Variants in SYNE1 observed in about 807,000 individuals in gnomAD.
SYNE1 encodes nesprin-1.
SYNE1 carries 616 observed loss-of-function variants against 1,111.0 expected under a neutral mutation model. That is an observed-to-expected ratio of 0.55 (90% CI 0.52 to 0.59). The LOEUF (loss-of-function observed/expected upper bound fraction) is 0.59. Ranked by LOEUF, SYNE1 falls within the 20% of genes least tolerant of loss-of-function variation. The pLI is 0.00. For synonymous variants in SYNE1, 3,855 were observed against 3,825.8 expected (o/e 1.01, Z -0.28); for missense variants, 10,006 against 10,417.0 (o/e 0.96, Z 1.72).
rs1217952987 is a variant in SYNE1, at chr6:152,225,906, A to G, written c.21196-30T>C. 3 of 1,605,842 alleles carry G rather than the reference A, an allele frequency of 1.9e-6. No homozygotes were observed. In the Admixed American group the frequency reaches 5.0e-5, roughly 27 times the overall value. ...AAGATTTAAAAAATAGTCACTTTAA[A>G]TTGTTCTATTATGGAACTCTGGGGT... On this transcript the variant is annotated intron_variant, in intron 115 of 145. Coordinates refer to ENST00000367255, the MANE Select transcript of SYNE1 (RefSeq NM_182961.4).
In SYNE1 at chr6:152,376,429, AT is replaced by A; in HGVS notation, c.9275del (p.Asp3092ValfsTer6). ...AAACTTCACTTATATTTTGAGGTAT[AT>A]CAAAACACTTGGCGGTAGTGATTTT... The part of the protein sequence containing the change: ...NAKITTAKCF[D>X]IPQNISEVST... On this transcript the variant is annotated frameshift_variant, in exon 58 of 146. Transcript: ENST00000367255. LOFTEE classifies it high-confidence loss of function. 1.2e-6 allele frequency: 2 copies of A among 1,614,218 alleles called. No individual in the cohort carries two copies. Among genetic ancestry groups the A allele is most frequent in the South Asian group, 2.2e-5 (2 of 91,080 alleles).
At chr6:152,613,914 G>A (rs1339695792) in intron 3 of SYNE1, among the ~76,000 whole-genome samples, 1 of 152,140 alleles carries the variant, frequency 6.6e-6, no homozygotes, top group Non-Finnish European at 1.5e-5. Flanking sequence ...AAATGGTGCT[G>A]GGAAAACTGG....
rs145772598 is a variant in SYNE1, at chr6:152,142,036, G to T, written c.25120-707C>A. On this transcript the variant is annotated intron_variant, in intron 138 of 145. Transcript: ENST00000367255. ...TGCAGCGAGCTAAGACCATGACACC[G>T]CACTCAAGCCTGGGTGACAGAGTGT... Among the ~76,000 whole-genome samples, 33 of 151,950 alleles carry T rather than the reference G, an allele frequency of 2.2e-4. No individual in the cohort carries two copies. In the East Asian group the frequency reaches 5.8e-3, roughly 27 times the overall value.
rs2096248429 is a variant in SYNE1, at chr6:152,331,562, G to A, written c.13123C>T (p.Pro4375Ser). The change falls in exon 78 of 146, where the codon CCT becomes TCT. Residue 4375 changes from proline to serine, a missense_variant. This residue lies in a region of SYNE1 where 4,955 missense variants were observed against 5,017.2 expected (regional missense o/e 0.99). Transcript: ENST00000367255. ...PNIAEALKQS[P>S]PPDMAQNLLM... ...AGGTTCTGAGCCATATCTGGAGGAG[G>A]GCTCTGCTTAAGGGCCTCGGCGATG... is the stretch of plus-strand genomic sequence containing the variant. 6.2e-7 allele frequency: 1 copy of A among 1,614,006 alleles called. No homozygotes were observed.
intron 5 of SYNE1, among the ~76,000 whole-genome samples, chr6:152,524,789 C>T (rs893560675): frequency 5.3e-5 from 8 of 152,074 alleles, no homozygotes; most frequent in African/African-American, 1.7e-4. Context: ...AACTCAGTCC[C>T]ACTGATGACT....
chr6:152,171,269 G>A (rs182064561), intron 130 of SYNE1, among the ~76,000 whole-genome samples: 193 of 152,294 alleles, frequency 1.3e-3, no homozygotes, highest in Non-Finnish European at 2.2e-3. Flanking sequence ...GCAGAATCAC[G>A]CTATGACTCA....
intron 69 of SYNE1, 52 bp downstream of exon 69, chr6:152,353,211 G>C: frequency 6.2e-7 from 1 of 1,604,192 alleles, no homozygotes; most frequent in Non-Finnish European, 8.5e-7. Context: ...GGAGAATGGG[G>C]CAGCTTGGTG....
chr6:152,526,021 G>A, intron 5 of SYNE1, 59 bp downstream of exon 5: 1 of 1,512,582 alleles, frequency 6.6e-7, no homozygotes, highest in Non-Finnish European at 9.2e-7. Flanking sequence ...CAACTCCATA[G>A]TCCCCAAATT....
intron 8 of SYNE1, among the ~76,000 whole-genome samples, chr6:152,508,272 G>T (rs1051481751): frequency 6.6e-6 from 1 of 152,164 alleles, no homozygotes; most frequent in African/African-American, 2.4e-5. Context: ...TACAATTTAT[G>T]CAGCTACAAA....
intron 100 of SYNE1, among the ~76,000 whole-genome samples, chr6:152,263,978 G>A (rs1268198786): frequency 1.3e-5 from 2 of 151,964 alleles, no homozygotes; most frequent in African/African-American, 2.4e-5. Flanking sequence ...GGAGGCCAAG[G>A]CAGGTGGATC....
chr6:152,510,127 T>A (rs2099077583), intron 8 of SYNE1, 66 bp downstream of exon 8: 8 of 1,477,822 alleles, frequency 5.4e-6, no homozygotes, highest in Non-Finnish European at 7.6e-6. Context: ...TCATTAGAAG[T>A]TGCAATTAGT....
At chr6:152,141,572 C>T (rs755562320) in intron 138 of SYNE1, among the ~76,000 whole-genome samples, 2 of 151,866 alleles carry the variant, frequency 1.3e-5, no homozygotes, top group Non-Finnish European at 1.5e-5. Flanking sequence ...GGCTGGGGAA[C>T]ATGGCAAAAC....
intron 2 of SYNE1, among the ~76,000 whole-genome samples, chr6:152,635,450 T>A (rs2099704459): frequency 6.6e-6 from 1 of 152,238 alleles, no homozygotes; most frequent in African/African-American, 2.4e-5. Context: ...TTTGTCACAC[T>A]GTTCCGGTGA....
intron 5 of SYNE1, among the ~76,000 whole-genome samples, chr6:152,525,014 C>T (rs566483458): frequency 2.6e-4 from 39 of 152,222 alleles, no homozygotes; most frequent in South Asian, 8.3e-4. Context: ...ACAGATACTA[C>T]GAGTGCTTGA....
chr6:152,216,053 T>G (rs2078562861), intron 121 of SYNE1, among the ~76,000 whole-genome samples: 1 of 152,212 alleles, frequency 6.6e-6, no homozygotes, highest in Non-Finnish European at 1.5e-5. Flanking sequence ...ATGGGTATCC[T>G]TATCTCCATC....
chr6:152,143,808 G>T, intron 137 of SYNE1, 43 bp from the exon 138 acceptor site: 2 of 1,613,644 alleles, frequency 1.2e-6, no homozygotes, highest in South Asian at 2.2e-5. Context: ...CAAACTATTT[G>T]ACTTATTTAA....
chr6:152,572,303 T>G (rs1252979415), intron 3 of SYNE1, among the ~76,000 whole-genome samples: 1 of 152,150 alleles, frequency 6.6e-6, no homozygotes, highest in Non-Finnish European at 1.5e-5. Context: ...CCAATTCAGT[T>G]CTTCTCACTA....
At chr6:152,216,540 A>C (rs980820070) in intron 121 of SYNE1, among the ~76,000 whole-genome samples, 17 of 152,164 alleles carry the variant, frequency 1.1e-4, no homozygotes, top group Non-Finnish European at 2.1e-4. Context: ...GAGAGGAAAT[A>C]TCACGGGCAC....
intron 127 of SYNE1, among the ~76,000 whole-genome samples, chr6:152,198,446 G>C (rs935399277): frequency 2.0e-5 from 3 of 152,186 alleles, no homozygotes; most frequent in African/African-American, 4.8e-5. Context: ...ATTCACTGGA[G>C]TATTACTTTT....
Sources: gnomAD v4.1 joint callset for allele counts (sites outside exome capture counted in the v4.1 genomes callset) on GRCh38, gnomAD v4.1.1 for gene constraint, gnomAD v4.1.1 regional missense constraint, MANE v1.5 for transcripts, NCBI Gene and HGNC (gene_info 2026-07-23, HGNC 2026-07-21) for gene names.